DRAM2: variants seen among roughly 807,000 people sequenced by gnomAD.
DRAM2 encodes DNA damage regulated autophagy modulator 2.
In DRAM2, 26 loss-of-function variants were observed where a neutral mutation model predicts 33.5. The observed-to-expected ratio is 0.78, with a 90% confidence interval of 0.57 to 1.08. The LOEUF (loss-of-function observed/expected upper bound fraction) is 1.08, where lower values mean the gene tolerates loss of function less well. Ranked by LOEUF, DRAM2 falls within the 50% of genes least tolerant of loss-of-function variation. The pLI is 0.00. For missense variants in DRAM2, 311 were observed against 318.1 expected (o/e 0.98, Z 0.17); for synonymous variants, 98 against 109.5 (o/e 0.89, Z 0.66).
At chr1:111,136,858 C>G (rs1011900389) in intron 3 of DRAM2, among the ~76,000 whole-genome samples, 2 of 151,560 alleles carry the variant, frequency 1.3e-5, no homozygotes, top group Non-Finnish European at 2.9e-5. Context: ...CCTGTAGTCT[C>G]AGCTACTTGG....
intron 2 of DRAM2, 130 bp from the exon 3 acceptor site, chr1:111,137,716 T>A (rs1425968852): frequency 6.6e-6 from 1 of 152,254 alleles, no homozygotes; most frequent in East Asian, 1.9e-4. Context: ...GTTAACAGGT[T>A]ATTTTTCTTT....
At chr1:111,128,508 G>C (rs758022636) in intron 4 of DRAM2, among the ~76,000 whole-genome samples, 1 of 152,088 alleles carries the variant, frequency 6.6e-6, no homozygotes, top group Non-Finnish European at 1.5e-5. Flanking sequence ...GTAGTCCCTC[G>C]GTATCTGTGG....
chr1:111,130,189 C>A (rs776454744), intron 4 of DRAM2, among the ~76,000 whole-genome samples: 3 of 152,080 alleles, frequency 2.0e-5, no homozygotes, highest in Non-Finnish European at 4.4e-5. Context: ...ATACTTAATA[C>A]GTCAAAAATA....
intron 3 of DRAM2, among the ~76,000 whole-genome samples, chr1:111,134,479 T>C (rs1343233424): frequency 8.5e-5 from 13 of 152,374 alleles, no homozygotes; most frequent in African/African-American, 3.1e-4. Flanking sequence ...TTTCATAATC[T>C]TCTCTTTTCT....
chr1:111,124,938 GCCAA>G (rs998326670), intron 5 of DRAM2, 57 bp from the exon 6 acceptor site: 21 of 1,537,240 alleles, frequency 1.4e-5, no homozygotes, highest in Middle Eastern at 1.9e-4. Context: ...AAATAAAGTT[GCCAA>G]TGAAGAGTTC....
At chr1:111,137,467 T>C (rs1282612408) in intron 3 of DRAM2, 56 bp downstream of exon 3, 1 of 152,184 alleles carries the variant, frequency 6.6e-6, no homozygotes, top group African/African-American at 2.4e-5. Context: ...AAGATACTTA[T>C]TTTCAGAGAT....
In DRAM2 at chr1:111,126,155, C is replaced by T. The variant is rs548387589; in HGVS notation, c.199+72G>A. Reference sequence around the variant, plus strand: ...TAACTAGAAAGTAAAACAAGTAACACTCCAGTGTTGAAAGAAGAAAATACT... The same window carrying T: ...TAACTAGAAAGTAAAACAAGTAACATTCCAGTGTTGAAAGAAGAAAATACT... On this transcript the variant is annotated intron_variant, in intron 5 of 9. Transcript: ENST00000484310. 9.0e-5 allele frequency: 83 copies of T among 922,908 alleles called. No individual in the cohort carries two copies. In the East Asian group the frequency reaches 2.0e-3, roughly 22 times the overall value. 57.2% of individuals were successfully genotyped at this position (922,908 alleles called of 1,614,324 possible). A position where few individuals can be genotyped will look rare whatever the true frequency, so the allele number is the denominator to read the frequency against.
chr1:111,132,335 A>C (rs760360543), intron 3 of DRAM2, among the ~76,000 whole-genome samples: 8 of 152,212 alleles, frequency 5.3e-5, no homozygotes, highest in Non-Finnish European at 1.0e-4. Context: ...GCATCTGGTA[A>C]ATATAAGCAT....
chr1:111,135,877 C>T (rs1394547420), intron 3 of DRAM2, among the ~76,000 whole-genome samples: 1 of 152,194 alleles, frequency 6.6e-6, no homozygotes, highest in Non-Finnish European at 1.5e-5. Context: ...GAATGAACAG[C>T]CAAAGCAAAA....
chr1:111,120,008 C>T (rs1453735916), intron 7 of DRAM2, 49 bp from the exon 8 acceptor site: 4 of 1,490,878 alleles, frequency 2.7e-6, no homozygotes, highest in Non-Finnish European at 3.7e-6. Flanking sequence ...TCTCAGAGAA[C>T]AAAAATCACT....
chr1:111,119,629 A>G (rs1013392204), intron 8 of DRAM2: 11 of 458,056 alleles, frequency 2.4e-5, no homozygotes, highest in Admixed American at 2.2e-4. Context: ...AGGGGAGTCA[A>G]TTTCTCAGAA....
intron 3 of DRAM2, among the ~76,000 whole-genome samples, chr1:111,137,025 AG>A (rs1179492934): frequency 1.3e-5 from 2 of 151,392 alleles, no homozygotes; most frequent in Non-Finnish European, 1.5e-5. Flanking sequence ...AGGTCGAGGC[AG>A]GCGGATCACG....
At position 111,139,495 on chromosome 1, in the gene DRAM2, ACTCACAACAGGAACGTG is replaced by A. The variant is rs764816254; in HGVS notation, c.-90_-79+5del. On this transcript the variant is annotated splice_donor_variant and splice_donor_5th_base_variant and 5_prime_UTR_variant and intron_variant, in exon 2 of 10. Coordinates refer to ENST00000484310, the MANE Select transcript of DRAM2 (RefSeq NM_001349884.2). LOFTEE classifies it low-confidence loss of function (5UTR_SPLICE). ...AGCCACCAAAGTATCTGAACCCAGA[ACTCACAACAGGAACGTG>A]TACTCAACAGGAACGTGTACTCAAT... 2 of 152,308 alleles carry A rather than the reference ACTCACAACAGGAACGTG, an allele frequency of 1.3e-5. No homozygotes were observed. The highest frequency in any genetic ancestry group is 2.9e-5 in the Non-Finnish European group (2 of 68,094). The allele number at this position is 152,308 out of a possible 1,614,324, so 9.4% of individuals were successfully genotyped here. A position where few individuals can be genotyped will look rare whatever the true frequency, so the allele number is the denominator to read the frequency against.
chr1:111,120,427 A>G (rs569997110), intron 7 of DRAM2, 89 bp downstream of exon 7: 33 of 336,580 alleles, frequency 9.8e-5, no homozygotes, highest in African/African-American at 7.3e-4. Context: ...AAAGACAAAA[A>G]GGCTTCTTAT....
intron 3 of DRAM2, among the ~76,000 whole-genome samples, chr1:111,133,797 CT>C (rs1261919049): frequency 6.6e-6 from 1 of 152,258 alleles, no homozygotes; most frequent in Non-Finnish European, 1.5e-5. Flanking sequence ...GTCATGCTCT[CT>C]AGCACACCTT....
At chr1:111,131,669 G>C (rs1378167380) in intron 3 of DRAM2, 101 bp from the exon 4 acceptor site, 13 of 1,121,886 alleles carry the variant, frequency 1.2e-5, no homozygotes, top group Non-Finnish European at 1.7e-5. Flanking sequence ...ACCCCAAGCT[G>C]TTTCACCTCT....
In DRAM2 at chr1:111,120,631, T is replaced by C; in HGVS notation, c.402A>G (p.Leu134=). 1 of 1,611,328 alleles carries C rather than the reference T, an allele frequency of 6.2e-7. No individual in the cohort carries two copies. The change falls in exon 7 of 10, where the codon TTA becomes TTG. Residue 134 remains leucine, a synonymous_variant. Coordinates refer to ENST00000484310, the MANE Select transcript of DRAM2 (RefSeq NM_001349884.2). ...GAVLTFGMGS[L]YMFVQTILSY... Reference sequence around the variant, plus strand: ...AAAGGATGGTCTGAACAAACATATATAATGAGCCCATACCAAAGGTAAGCA... The same window carrying C: ...AAAGGATGGTCTGAACAAACATATACAATGAGCCCATACCAAAGGTAAGCA...
rs1557882294 is a variant in DRAM2 at position 111,119,950 on chromosome 1, C to G, written c.527G>C (p.Cys176Ser). The change falls in exon 8 of 10, where the codon TGC (cysteine) becomes TCC (serine). Residue 176 changes from cysteine to serine, a missense_variant. Cys to Ser is a moderately radical substitution (Grantham distance 112). Transcript: ENST00000484310. Reference sequence around the variant, plus strand: ...ATTGCCACTGTGCAAAACTGATGAGCAAGTCAGCACTATAAAAACATAAGT... The same window carrying G: ...ATTGCCACTGTGCAAAACTGATGAGGAAGTCAGCACTATAAAAACATAAGT... ...CGVSALSMLT[C>S]SSVLHSGNFG... 5 of 1,612,168 alleles carry G rather than the reference C, an allele frequency of 3.1e-6. No homozygotes were observed. Among genetic ancestry groups the G allele is most frequent in the Non-Finnish European group, 4.2e-6 (5 of 1,178,832 alleles).
rs1477664558 is a variant in DRAM2 at position 111,139,774 on chromosome 1, G to A, written c.-244-108C>T. 2.0e-5 allele frequency: 3 copies of A among 152,584 alleles called. No individual in the cohort carries two copies. In the South Asian group the frequency reaches 6.2e-4, roughly 32 times the overall value. The allele number at this position is 152,584 out of a possible 1,614,324, so 9.5% of individuals were successfully genotyped here. A position where few individuals can be genotyped will look rare whatever the true frequency, so the allele number is the denominator to read the frequency against. On this transcript the variant is annotated intron_variant, in intron 1 of 9. Coordinates refer to ENST00000484310, the MANE Select transcript of DRAM2 (RefSeq NM_001349884.2). The stretch of plus-strand genomic sequence containing the variant: ...AGAGAACAGAAAGGTAGGGCACGGG[G>A]AGCTGAGCCCAGCTGCACTCATCCC...
Sources: allele counts gnomAD v4.1 joint callset (sites outside exome capture counted in the v4.1 genomes callset), GRCh38; gene constraint gnomAD v4.1.1; transcripts MANE v1.5; gene names NCBI Gene and HGNC (gene_info 2026-07-23, HGNC 2026-07-21).